PMS2: variants seen among roughly 807,000 people sequenced by gnomAD.
PMS2 encodes mismatch repair endonuclease PMS2.
A neutral mutation model predicts 90.0 loss-of-function variants in PMS2; 69 were observed. The ratio of observed to expected loss-of-function variants is 0.77; its 90% confidence interval spans 0.63 to 0.94. The LOEUF (loss-of-function observed/expected upper bound fraction) is 0.94. Among genes scored for constraint, PMS2 ranks in the 40% least tolerant of loss-of-function variants. PMS2 has a pLI of 0.00. For missense variants in PMS2, 966 were observed against 1,040.2 expected (o/e 0.93, Z 0.98); for synonymous variants, 332 against 375.1 (o/e 0.89, Z 1.33).
chr7:5,995,901 C>T (rs1207476582), intron 7 of PMS2, among the ~76,000 whole-genome samples: 1 of 152,142 alleles, frequency 6.6e-6, no homozygotes, highest in Non-Finnish European at 1.5e-5. Flanking sequence ...TGCAGCTCTC[C>T]TTACCCTTCC....
rs1204672559 is a variant in PMS2 at position 5,973,223 on chromosome 7, T to C, written c.*176A>G. 1.8e-6 allele frequency: 1 copy of C among 547,368 alleles called. No individual in the cohort carries two copies. The highest frequency in any genetic ancestry group is 1.8e-5 in the South Asian group (1 of 55,280). The allele number at this position is 547,368 out of a possible 1,614,324, so 33.9% of individuals were successfully genotyped here. A position where few individuals can be genotyped will look rare whatever the true frequency, so the allele number is the denominator to read the frequency against. On this transcript the variant is annotated 3_prime_UTR_variant, in exon 15 of 15. Transcript: ENST00000265849. Reference sequence around the variant, plus strand: ...CATGCAAACATAGAGAAAAAAAATTTGCAAGCAATGCTCCATCTGGTTTGA... The same window carrying C: ...CATGCAAACATAGAGAAAAAAAATTCGCAAGCAATGCTCCATCTGGTTTGA...
At chr7:5,978,357 A>G (rs1781942108) in intron 13 of PMS2, among the ~76,000 whole-genome samples, 1 of 144,774 alleles carries the variant, frequency 6.9e-6, no homozygotes, top group Non-Finnish European at 1.5e-5. Flanking sequence ...TGCAACCTCC[A>G]CCTCCCGGGT....
chr7:5,978,325 C>G lies in PMS2; in HGVS notation c.2275+271G>C, dbSNP rs1781938528. ...CACTCTTGTTGCCCAGGCTGGAGTGCAGTGACGTGATCTCGGCTCACTGCA... is the reference window on the plus strand; with the variant it reads ...CACTCTTGTTGCCCAGGCTGGAGTGGAGTGACGTGATCTCGGCTCACTGCA... On this transcript the variant is annotated intron_variant, in intron 13 of 14. Transcript: ENST00000265849. Among the ~76,000 whole-genome samples the G allele has an allele frequency of 1.4e-5, 2 of 146,598 alleles. 1 individual carries two copies. The highest frequency in any genetic ancestry group is 3.0e-5 in the Non-Finnish European group (2 of 66,446).
At position 6,004,290 on chromosome 7, in the gene PMS2, T is replaced by C. The variant is rs58704163; in HGVS notation, c.164-232A>G. 3.4e-3 allele frequency: 1,336 copies of C among 396,876 alleles called. 14 individuals carry two copies. The highest frequency in any genetic ancestry group is 0.026 in the African/African-American group (1,250 of 47,846). The allele number at this position is 396,876 out of a possible 1,614,324, so 24.6% of individuals were successfully genotyped here. On this transcript the variant is annotated intron_variant, in intron 2 of 14. Coordinates refer to ENST00000265849, the MANE Select transcript of PMS2 (RefSeq NM_000535.7). ...CTTTCCTCTTTTTTTTTCCCTAGGC[T>C]AGTGAAGTGAAGCAGTTGGAGTGGA...
intron 6 of PMS2, 91 bp downstream of exon 6, chr7:5,999,017 A>T: frequency 2.4e-6 from 3 of 1,255,634 alleles, no homozygotes; most frequent in Non-Finnish European, 3.5e-6. Flanking sequence ...CAATTCTAAG[A>T]TTTTATTCTC....
At chr7:5,997,298 G>T in intron 7 of PMS2, 28 bp downstream of exon 7, 2 of 1,047,632 alleles carry the variant, frequency 1.9e-6, no homozygotes, top group Middle Eastern at 2.0e-4. Context: ...ATGTTCAATT[G>T]TAGTTCTCTT....
Position 6,002,627 on chromosome 7 carries a change from G to A in PMS2, c.363C>T (p.Thr121=). 1 of 1,611,346 alleles carries A rather than the reference G, an allele frequency of 6.2e-7. No homozygotes were observed. The highest frequency in any genetic ancestry group is 1.1e-5 in the South Asian group (1 of 90,976). ...LSSLCALSDV[T]ISTCHASAKV... ...TCGCCGATGCGTGGCAGGTAGAAAT[G>A]GTGACATCGCTGTGAGAGAATACCA... Residue 121 remains threonine, a synonymous_variant, in exon 5 of 15, where the codon ACC becomes ACT. Transcript: ENST00000265849.
At chr7:6,003,828 C>T in intron 3 of PMS2, 36 bp from the exon 4 acceptor site, 3 of 1,405,516 alleles carry the variant, frequency 2.1e-6, no homozygotes, top group South Asian at 1.2e-5. Flanking sequence ...TAAGATATCT[C>T]AAGTGCTATA....
chr7:5,977,952 T>C lies in PMS2; in HGVS notation c.2276-195A>G, dbSNP rs183464333. Among the ~76,000 whole-genome samples the C allele has an allele frequency of 1.2e-3, 184 of 150,414 alleles. 2 individuals carry two copies. The highest frequency in any genetic ancestry group is 4.3e-3 in the African/African-American group (174 of 40,940). On this transcript the variant is annotated intron_variant, in intron 13 of 14. Coordinates refer to ENST00000265849, the MANE Select transcript of PMS2 (RefSeq NM_000535.7). ...GGCTAACATGGTGAAACCCCGTCTC[T>C]ACTAAAAAATAGAAAAAATTAGCTG...
intron 7 of PMS2, among the ~76,000 whole-genome samples, chr7:5,995,945 C>G (rs984823911): frequency 1.3e-5 from 2 of 152,166 alleles, no homozygotes; most frequent in Non-Finnish European, 2.9e-5. Context: ...GTGGGTCTCG[C>G]TTCAAATGCA....
At chr7:5,999,004 AAT>A (rs1167318009) in intron 6 of PMS2, 102 bp downstream of exon 6, 2 of 1,239,114 alleles carry the variant, frequency 1.6e-6, no homozygotes, top group Admixed American at 3.7e-5. Flanking sequence ...AAAAAAAAAA[AAT>A]CAATTCTAAG....
At chr7:6,006,824 A>G (rs1208255725) in intron 1 of PMS2, among the ~76,000 whole-genome samples, 3 of 152,142 alleles carry the variant, frequency 2.0e-5, no homozygotes, top group Admixed American at 6.6e-5. Context: ...CTGTCTTAGC[A>G]AAGACCCTCA....
At position 5,987,136 on chromosome 7, in the gene PMS2, G is replaced by A. The variant is rs111673299; in HGVS notation, c.1629C>T (p.Asp543=). ...VDSQEKAPKT[D]DSFSDVDCHS... ...GGCAGTCCACATCTGAAAAAGAGTCGTCAGTTTTAGGCGCTTTCTCCTGAG... is the reference window on the plus strand; with the variant it reads ...GGCAGTCCACATCTGAAAAAGAGTCATCAGTTTTAGGCGCTTTCTCCTGAG... Residue 543 remains aspartate, a synonymous_variant, in exon 11 of 15, where the codon GAC becomes GAT. Coordinates refer to ENST00000265849, the MANE Select transcript of PMS2 (RefSeq NM_000535.7). 1.5e-5 allele frequency: 25 copies of A among 1,613,794 alleles called. No homozygotes were observed. Among genetic ancestry groups the A allele is most frequent in the East Asian group, 6.7e-5 (3 of 44,880 alleles).
intron 6 of PMS2, among the ~76,000 whole-genome samples, 198 bp from the exon 7 acceptor site, chr7:5,997,621 T>C (rs1784574391): frequency 2.0e-5 from 3 of 152,144 alleles, no homozygotes; most frequent in Admixed American, 1.3e-4. Context: ...CATACCTCAC[T>C]GCAATGTCAA....
chr7:6,006,068 C>G (rs1156636155), intron 1 of PMS2, 37 bp from the exon 2 acceptor site: 1 of 1,606,762 alleles, frequency 6.2e-7, no homozygotes, highest in Non-Finnish European at 8.5e-7. Context: ...ATCAAGTATT[C>G]AGCTATATAT....
At chr7:5,988,145 C>T (rs1783271197) in intron 10 of PMS2, among the ~76,000 whole-genome samples, 1 of 151,030 alleles carries the variant, frequency 6.6e-6, no homozygotes, top group African/African-American at 2.4e-5. Context: ...AACAAATGCT[C>T]ACAAAGATCA....
chr7:5,993,295 T>C (rs1562654998), intron 8 of PMS2, among the ~76,000 whole-genome samples: 1 of 132,616 alleles, frequency 7.5e-6, no homozygotes, highest in Non-Finnish European at 1.5e-5. Flanking sequence ...TGCTTGAACC[T>C]GGGAGGGAGA....
At chr7:5,995,383 T>A (rs989860589) in intron 8 of PMS2, 151 bp downstream of exon 8, 3 of 671,508 alleles carry the variant, frequency 4.5e-6, no homozygotes, top group Non-Finnish European at 8.0e-6. Context: ...CCATCTGCGG[T>A]AGACTTCTGT....
At chr7:6,005,682 G>A (rs1785654939) in intron 2 of PMS2, among the ~76,000 whole-genome samples, 1 of 152,098 alleles carries the variant, frequency 6.6e-6, no homozygotes, top group Admixed American at 6.6e-5. Flanking sequence ...CATAACACCT[G>A]CCTGGCACAC....
Sources: allele counts gnomAD v4.1 joint callset (sites outside exome capture counted in the v4.1 genomes callset), GRCh38; gene constraint gnomAD v4.1.1; transcripts MANE v1.5; gene names NCBI Gene and HGNC (gene_info 2026-07-23, HGNC 2026-07-21).